Variants in OSBPL10 observed in about 807,000 individuals in gnomAD.
OSBPL10 encodes oxysterol binding protein like 10, also known as oxysterol-binding protein-related protein 10.
In OSBPL10, 49 loss-of-function variants were observed where a neutral mutation model predicts 81.7. That is an observed-to-expected ratio of 0.60 (90% CI 0.48 to 0.76). The LOEUF (loss-of-function observed/expected upper bound fraction) is 0.76. Ranked by LOEUF, OSBPL10 falls within the 30% of genes least tolerant of loss-of-function variation. OSBPL10 has a pLI of 0.00. For missense variants in OSBPL10, 923 were observed against 987.8 expected, an observed-to-expected ratio of 0.93 and a Z score of 0.88; for synonymous variants, 419 against 383.6, an observed-to-expected ratio of 1.09 and a Z score of -1.08.
chr3:31,880,495 C>A (rs1695534791), intron 1 of OSBPL10, among the ~76,000 whole-genome samples: 1 of 152,140 alleles, frequency 6.6e-6, no homozygotes, highest in South Asian at 2.1e-4. Context: ...TCTTTGTAGC[C>A]AAATATCTGG....
chr3:32,011,898 G>C (rs1221255642), intron 2 of OSBPL10, among the ~76,000 whole-genome samples: 1 of 152,100 alleles, frequency 6.6e-6, no homozygotes, highest in Non-Finnish European at 1.5e-5. Context: ...AGAAAAAAAA[G>C]AATAAAAAGA....
At chr3:31,693,343 A>G (rs1321366357) in intron 7 of OSBPL10, among the ~76,000 whole-genome samples, 1 of 152,222 alleles carries the variant, frequency 6.6e-6, no homozygotes, top group Admixed American at 6.5e-5. Flanking sequence ...TAATTCAATC[A>G]AAGGAAAAAG....
At chr3:32,038,575 G>T (rs1699541817) in intron 2 of OSBPL10, among the ~76,000 whole-genome samples, 1 of 152,164 alleles carries the variant, frequency 6.6e-6, no homozygotes, top group Non-Finnish European at 1.5e-5. Context: ...ATCCACCTCG[G>T]TCTCCCAAAG....
At chr3:32,010,476 C>T (rs568875351) in intron 2 of OSBPL10, among the ~76,000 whole-genome samples, 177 of 152,156 alleles carry the variant, frequency 1.2e-3, no homozygotes, top group Admixed American at 2.3e-3. Context: ...CCAAGATGGC[C>T]GAACAGGAAC....
At chr3:32,069,501 C>G (rs180991292) in intron 1 of OSBPL10, among the ~76,000 whole-genome samples, 1 of 152,182 alleles carries the variant, frequency 6.6e-6, no homozygotes, top group Non-Finnish European at 1.5e-5. Flanking sequence ...AAGGTAAAGA[C>G]GAAAACCCAG....
At chr3:31,815,826 CCACT>C (rs1559477875) in intron 4 of OSBPL10, among the ~76,000 whole-genome samples, 1 of 152,294 alleles carries the variant, frequency 6.6e-6, no homozygotes, top group South Asian at 2.1e-4. Context: ...CTCTCTGCAG[CCACT>C]CACTCAATAT....
intron 1 of OSBPL10, 26 bp downstream of exon 1, chr3:31,980,873 G>A (rs924925410): frequency 1.9e-6 from 3 of 1,544,482 alleles, no homozygotes; most frequent in Non-Finnish European, 2.6e-6. Flanking sequence ...AGCGGCGCGC[G>A]GTGGCGCGGG....
At chr3:31,901,809 G>A (rs1184712668) in intron 1 of OSBPL10, among the ~76,000 whole-genome samples, 2 of 152,136 alleles carry the variant, frequency 1.3e-5, no homozygotes, top group African/African-American at 4.8e-5. Flanking sequence ...AAGCCAAGGC[G>A]GGCGGACTGC....
At chr3:31,892,674 T>C (rs945244756) in intron 1 of OSBPL10, among the ~76,000 whole-genome samples, 1 of 152,050 alleles carries the variant, frequency 6.6e-6, no homozygotes, top group Admixed American at 6.6e-5. Flanking sequence ...TGCTGACCGG[T>C]AGTTCGACTG....
At chr3:31,762,630 AT>A (rs56311731) in intron 4 of OSBPL10, among the ~76,000 whole-genome samples, 5,313 of 61,420 alleles carry the variant, frequency 0.087, 458 homozygotes, top group Middle Eastern at 0.26. Flanking sequence ...CATGCCCAGC[AT>A]TTTTTTTTTT....
chr3:31,840,150 G>A (rs1051699417), intron 3 of OSBPL10, among the ~76,000 whole-genome samples: 1 of 151,992 alleles, frequency 6.6e-6, no homozygotes, highest in African/African-American at 2.4e-5. Flanking sequence ...GCGAGTGCGT[G>A]CTGAGGAATT....
chr3:31,691,333 C>T (rs989254074), intron 7 of OSBPL10, among the ~76,000 whole-genome samples: 4 of 152,136 alleles, frequency 2.6e-5, no homozygotes, highest in Non-Finnish European at 5.9e-5. Flanking sequence ...AGGCGAAGGA[C>T]ACTTGGAAGG....
chr3:31,997,820 C>T (rs1699106297), intron 2 of OSBPL10, among the ~76,000 whole-genome samples: 3 of 152,068 alleles, frequency 2.0e-5, no homozygotes, highest in South Asian at 4.1e-4. Context: ...CTTACTCTGT[C>T]GCCCAGGCAG....
At chr3:31,895,133 C>CTTTTTTTT (rs1559508699) in intron 1 of OSBPL10, among the ~76,000 whole-genome samples, 2 of 117,856 alleles carry the variant, frequency 1.7e-5, no homozygotes, top group African/African-American at 3.7e-5. Flanking sequence ...TTCTCTGCGG[C>CTTTTTTTT]CTTTTTTTTT....
At chr3:31,875,592 TTA>T (rs1402431204) in intron 3 of OSBPL10, among the ~76,000 whole-genome samples, 1 of 151,868 alleles carries the variant, frequency 6.6e-6, no homozygotes, top group Non-Finnish European at 1.5e-5. Flanking sequence ...AGAAATTATT[TTA>T]GTTTGTATTT....
chr3:32,060,051 C>T (rs1073208), intron 1 of OSBPL10, among the ~76,000 whole-genome samples: 126,746 of 151,736 alleles, frequency 0.84, 54,212 homozygotes, highest in South Asian at 0.94. Flanking sequence ...TACACAGGTA[C>T]GAAATTATCT....
At chr3:31,751,980 C>T (rs180943719) in intron 4 of OSBPL10, among the ~76,000 whole-genome samples, 2 of 152,236 alleles carry the variant, frequency 1.3e-5, no homozygotes, top group African/African-American at 2.4e-5. Context: ...ATCAGACTTC[C>T]GAAGAACAAG....
At chr3:31,925,997 G>C (rs1342234931) in intron 1 of OSBPL10, among the ~76,000 whole-genome samples, 1 of 151,758 alleles carries the variant, frequency 6.6e-6, no homozygotes, top group Non-Finnish European at 1.5e-5. Context: ...TTCCTTTCCT[G>C]TTCTTTGGCT....
rs111836289 is a variant in OSBPL10 at position 31,809,472 on chromosome 3, A to G, written c.729+20568T>C. ...AACTATGCCCCTATTCTTAGAAAGTATATCATTCAGATGTCAGTCCTTAAA... is the reference window on the plus strand; with the variant it reads ...AACTATGCCCCTATTCTTAGAAAGTGTATCATTCAGATGTCAGTCCTTAAA... On this transcript the variant is annotated intron_variant, in intron 4 of 11. Transcript: ENST00000396556. Among the ~76,000 whole-genome samples the G allele has an allele frequency of 3.1e-3, 468 of 152,334 alleles. 1 individual carries two copies. Among genetic ancestry groups the G allele is most frequent in the Middle Eastern group, 0.01 (3 of 294 alleles).
Sources: allele counts gnomAD v4.1 joint callset (sites outside exome capture counted in the v4.1 genomes callset), GRCh38; gene constraint gnomAD v4.1.1; transcripts MANE v1.5; gene names NCBI Gene and HGNC (gene_info 2026-07-23, HGNC 2026-07-21).